The following PCDHA2 variants were observed in gnomAD, a reference collection of about 807,000 sequenced individuals.
PCDHA2 encodes protocadherin alpha-2.
In PCDHA2, 58 loss-of-function variants were observed where a neutral mutation model predicts 66.0. That is an observed-to-expected ratio of 0.88 (90% CI 0.71 to 1.09). The LOEUF is 1.09. Among genes scored for constraint, PCDHA2 ranks in the 50% least tolerant of loss-of-function variants. The probability of loss-of-function intolerance (pLI) is 0.00; values close to 1 mark genes in which losing one functional copy is unlikely to be tolerated. For missense variants in PCDHA2, 1,267 were observed against 1,242.3 expected (o/e 1.02, Z -0.30); for synonymous variants, 634 against 554.0 (o/e 1.14, Z -2.03).
chr5:140,803,354 T>C (rs1251754206), intron 1 of PCDHA2: 3 of 1,614,066 alleles, frequency 1.9e-6, no homozygotes, highest in Admixed American at 1.7e-5. Flanking sequence ...TGCTATATAC[T>C]GCTCTGCGGT....
At chr5:141,005,572 C>G (rs548748234) in intron 3 of PCDHA2, among the ~76,000 whole-genome samples, 59 of 150,976 alleles carry the variant, frequency 3.9e-4, no homozygotes, top group Non-Finnish European at 7.7e-4. Context: ...CATGGTGGCG[C>G]GTGCCTGTAG....
At chr5:140,830,197 C>T (rs2150182627) in intron 1 of PCDHA2, 4 of 1,613,722 alleles carry the variant, frequency 2.5e-6, no homozygotes, top group Non-Finnish European at 3.4e-6. Context: ...ACCTGATCAT[C>T]GCCATCTGCG....
chr5:140,950,473 G>T (rs2094486830), intron 1 of PCDHA2, among the ~76,000 whole-genome samples: 1 of 152,010 alleles, frequency 6.6e-6, no homozygotes, highest in African/African-American at 2.4e-5. Context: ...CATAGTTTCT[G>T]ATGAGAAGTG....
chr5:141,006,567 C>T (rs2098278386), intron 3 of PCDHA2, among the ~76,000 whole-genome samples: 1 of 152,030 alleles, frequency 6.6e-6, no homozygotes, highest in Admixed American at 6.6e-5. Flanking sequence ...ACTCTGGCTA[C>T]TGTGTGGAGG....
At chr5:140,991,691 A>G (rs2153897191) in intron 3 of PCDHA2, among the ~76,000 whole-genome samples, 1 of 152,286 alleles carries the variant, frequency 6.6e-6, no homozygotes, top group Middle Eastern at 3.4e-3. Flanking sequence ...TCTCTAGTAG[A>G]GCCATTAATA....
Position 140,796,208 on chromosome 5 carries a change from G to C in PCDHA2, c.1244G>C (p.Arg415Pro), listed in dbSNP as rs782813610. The C allele has an allele frequency of 6.2e-7, 1 of 1,614,192 alleles. No homozygotes were observed. Among genetic ancestry groups the C allele is most frequent in the South Asian group, 1.1e-5 (1 of 91,088 alleles). The change falls in exon 1 of 4, where the codon CGC becomes CCC. Residue 415 changes from arginine to proline, a missense_variant. Coordinates refer to ENST00000526136, the MANE Select transcript of PCDHA2 (RefSeq NM_018905.3). ...YSLVLDSALDRESVSAYELVV... is the reference protein window; with the variant it reads ...YSLVLDSALDPESVSAYELVV... The stretch of plus-strand genomic sequence containing the variant: ...TTGGTGCTGGACAGCGCCCTGGACC[G>C]CGAGAGCGTGTCAGCCTATGAGCTG...
intron 1 of PCDHA2, chr5:140,835,638 T>A: frequency 6.2e-7 from 1 of 1,613,926 alleles, no homozygotes. Flanking sequence ...CGAGAGTGTG[T>A]CCGCCTATGA....
intron 1 of PCDHA2, chr5:140,841,656 G>A (rs2150320289): frequency 6.2e-7 from 1 of 1,614,162 alleles, no homozygotes; most frequent in Admixed American, 1.7e-5. Context: ...ATCGTGGACA[G>A]GCCGCTGCAG....
At chr5:140,959,494 T>G (rs2153722388) in intron 1 of PCDHA2, among the ~76,000 whole-genome samples, 1 of 152,286 alleles carries the variant, frequency 6.6e-6, no homozygotes, top group South Asian at 2.1e-4. Flanking sequence ...TATATATGGA[T>G]CAAACTAAAA....
chr5:141,010,535 C>G lies in PCDHA2; in HGVS notation c.*598C>G, dbSNP rs1423355739. 1 of 386,620 alleles carries G rather than the reference C, an allele frequency of 2.6e-6. No homozygotes were observed. Among genetic ancestry groups the G allele is most frequent in the African/African-American group, 2.0e-5 (1 of 48,880 alleles). 23.9% of individuals were successfully genotyped at this position (386,620 alleles called of 1,614,324 possible). On this transcript the variant is annotated 3_prime_UTR_variant, in exon 4 of 4. Coordinates refer to ENST00000526136, the MANE Select transcript of PCDHA2 (RefSeq NM_018905.3). ...CAACTCAAGAGGTGGCAGCCACCCT[C>G]TAGGAGACAAAACTACCCCCACTGA...
In PCDHA2 at chr5:140,841,946, C is replaced by T. The variant is rs2150326253; in HGVS notation, c.2388+44594C>T. 2.0e-5 allele frequency: 32 copies of T among 1,613,790 alleles called. No homozygotes were observed. The Admixed American group carries it at 5.3e-4, about 27-fold the overall frequency. Reference sequence around the variant, plus strand: ...GGACAGAGAGGACGCTCCTGCGCACCACTTATTCCTGACAGCCACAGATGG... The same window carrying T: ...GGACAGAGAGGACGCTCCTGCGCACTACTTATTCCTGACAGCCACAGATGG... On this transcript the variant is annotated intron_variant, in intron 1 of 3. Transcript: ENST00000526136.
intron 1 of PCDHA2, among the ~76,000 whole-genome samples, chr5:140,932,800 C>A (rs1041924506): frequency 6.6e-6 from 1 of 151,684 alleles, no homozygotes; most frequent in Non-Finnish European, 1.5e-5. Context: ...AAAAGCAATA[C>A]CTTGGAAACA....
intron 2 of PCDHA2, among the ~76,000 whole-genome samples, chr5:140,980,886 C>T (rs2096909899): frequency 6.6e-6 from 1 of 152,062 alleles, no homozygotes; most frequent in South Asian, 2.1e-4. Context: ...TCGGTCTTTC[C>T]AGTCTTGGAC....
At chr5:140,889,645 A>AG (rs1314365000) in intron 1 of PCDHA2, among the ~76,000 whole-genome samples, 1 of 152,040 alleles carries the variant, frequency 6.6e-6, no homozygotes, top group African/African-American at 2.4e-5. Context: ...TTGTGTTTGC[A>AG]GGAGATGTCC....
intron 1 of PCDHA2, chr5:140,856,146 C>T: frequency 6.3e-7 from 1 of 1,598,308 alleles, no homozygotes; most frequent in Middle Eastern, 1.7e-4. Flanking sequence ...CTCCACTACT[C>T]AGTCTACGAG....
chr5:140,887,670 C>T (rs368430565), intron 1 of PCDHA2, among the ~76,000 whole-genome samples: 1 of 151,988 alleles, frequency 6.6e-6, no homozygotes, highest in Non-Finnish European at 1.5e-5. Context: ...GTGGATTTAT[C>T]ATTTTCATCA....
At chr5:140,813,517 G>T (rs1342300406) in intron 1 of PCDHA2, 1 of 152,142 alleles carries the variant, frequency 6.6e-6, no homozygotes, top group Non-Finnish European at 1.5e-5. Flanking sequence ...ACATTGTACA[G>T]ATTTTTAAAA....
At chr5:140,924,895 AAAAAAAAAAATAAAATAAAATAAAAT>A (rs1157767234) in intron 1 of PCDHA2, among the ~76,000 whole-genome samples, 8 of 132,230 alleles carry the variant, frequency 6.1e-5, no homozygotes, top group East Asian at 2.1e-4. Flanking sequence ...AACCTGTCTC[AAAAAAAAAAATAAAATAAAATAAAAT>A]AAAATAAAAT....
chr5:140,842,170 C>T (rs1360420045), intron 1 of PCDHA2: 2 of 1,613,662 alleles, frequency 1.2e-6, no homozygotes, highest in African/African-American at 2.7e-5. Context: ...CTTTTAATAG[C>T]CTTGTTGAAA....
Sources: gnomAD v4.1 joint callset for allele counts (sites outside exome capture counted in the v4.1 genomes callset) on GRCh38, gnomAD v4.1.1 for gene constraint, MANE v1.5 for transcripts, NCBI Gene and HGNC (gene_info 2026-07-23, HGNC 2026-07-21) for gene names.